The following ATXN10 variants were observed in gnomAD, a reference collection of about 807,000 sequenced individuals.
ATXN10 encodes ataxin 10, also known as ataxin-10.
ATXN10 carries 28 observed loss-of-function variants against 52.9 expected under a neutral mutation model. The observed-to-expected ratio is 0.53, with a 90% confidence interval of 0.39 to 0.73. ATXN10 has a LOEUF of 0.73. Ranked by LOEUF, ATXN10 falls within the 30% of genes least tolerant of loss-of-function variation. The pLI, the probability that ATXN10 is intolerant of heterozygous loss-of-function variation, is 0.00. For missense variants in ATXN10, 565 were observed against 577.0 expected (o/e 0.98, Z 0.21); for synonymous variants, 226 against 221.5 (o/e 1.02, Z -0.18).
chr22:45,750,373 G>A lies in ATXN10; in HGVS notation c.1173+9835G>A, dbSNP rs1312435722. Among the ~76,000 whole-genome samples, 3 of 152,142 alleles carry A rather than the reference G, an allele frequency of 2.0e-5. No individual in the cohort carries two copies. The highest frequency in any genetic ancestry group is 7.2e-5 in the African/African-American group (3 of 41,416). ...GGCCTCCCAAAGTGCTAGGATTACA[G>A]GTGTGAGTCACCACGCCCGGCCGAC... On this transcript the variant is annotated intron_variant, in intron 9 of 11. Coordinates refer to ENST00000252934, the MANE Select transcript of ATXN10 (RefSeq NM_013236.4). The surrounding 1 kb of genome is among the most constrained non-coding windows in gnomAD (Gnocchi z 4.2).
rs1174047602 is a variant in ATXN10 at position 45,728,906 on chromosome 22, A to G, written c.729-519A>G. Among the ~76,000 whole-genome samples, 1 of 152,226 alleles carries G rather than the reference A, an allele frequency of 6.6e-6. No individual in the cohort carries two copies. The highest frequency in any genetic ancestry group is 2.4e-5 in the African/African-American group (1 of 41,456). On this transcript the variant is annotated intron_variant, in intron 6 of 11. Coordinates refer to ENST00000252934, the MANE Select transcript of ATXN10 (RefSeq NM_013236.4). This position sits in a 1 kb window ranked among gnomAD's most constrained non-coding sequence, Gnocchi z 4.3. ...TGGCTCAGGGCACAGATTGAATCCT[A>G]GCTTAGACTCTCAGTGGTTTTGTGA... is the stretch of plus-strand genomic sequence containing the variant.
At chr22:45,674,182 TA>T (rs1321386292) in intron 1 of ATXN10, 15 of 152,040 alleles carry the variant, frequency 9.9e-5, no homozygotes, top group African/African-American at 3.6e-4. Flanking sequence ...GTGCCTAAAT[TA>T]GGACATTGTG....
At chr22:45,686,390 A>G (rs768094762) in intron 1 of ATXN10, among the ~76,000 whole-genome samples, 2 of 152,144 alleles carry the variant, frequency 1.3e-5, no homozygotes, top group Admixed American at 6.6e-5. Context: ...AGCCGGGGAG[A>G]TAGGTTATAT....
chr22:45,758,705 G>C (rs961649051), intron 9 of ATXN10, among the ~76,000 whole-genome samples: 5 of 152,238 alleles, frequency 3.3e-5, no homozygotes, highest in Non-Finnish European at 5.9e-5. Flanking sequence ...TAGCCACTGC[G>C]GAGCGCCAGG....
chr22:45,769,276 C>T lies in ATXN10; in HGVS notation c.1173+28738C>T, dbSNP rs976477238. 4.0e-5 allele frequency among the ~76,000 whole-genome samples: 6 copies of T among 151,806 alleles called. No individual in the cohort carries two copies. The highest frequency in any genetic ancestry group is 3.2e-3 in the Middle Eastern group (1 of 316). ...CAAAAGAGTAACGTGTGCAGATGGG[C>T]GCCGTTCATCCCCTCTCCCCCATAC... On this transcript the variant is annotated intron_variant, in intron 9 of 11. Transcript: ENST00000252934. The surrounding 1 kb of genome is among the most constrained non-coding windows in gnomAD (Gnocchi z 4.2).
chr22:45,723,207 T>G (rs1924729174), intron 6 of ATXN10, among the ~76,000 whole-genome samples: 1 of 152,120 alleles, frequency 6.6e-6, no homozygotes, highest in Non-Finnish European at 1.5e-5. Context: ...GATAGAGATA[T>G]ATATAGATAG....
chr22:45,753,699 G>A (rs138192), intron 9 of ATXN10, among the ~76,000 whole-genome samples: 1 of 151,996 alleles, frequency 6.6e-6, no homozygotes, highest in African/African-American at 2.4e-5. Flanking sequence ...GAGCCACTGC[G>A]CCCATCTCAG....
At chr22:45,714,674 G>A (rs1297556157) in intron 5 of ATXN10, among the ~76,000 whole-genome samples, 5 of 152,236 alleles carry the variant, frequency 3.3e-5, no homozygotes, top group African/African-American at 9.6e-5. Flanking sequence ...GAGCCACTGT[G>A]TCCAGCCATA....
rs1928625073 is a variant in ATXN10, at chr22:45,820,916, A to C, written c.1237+13894A>C. Among the ~76,000 whole-genome samples the C allele has an allele frequency of 6.6e-6, 1 of 152,164 alleles. No homozygotes were observed. Among genetic ancestry groups the C allele is most frequent in the Admixed American group, 6.5e-5 (1 of 15,276 alleles). On this transcript the variant is annotated intron_variant, in intron 10 of 11. Coordinates refer to ENST00000252934, the MANE Select transcript of ATXN10 (RefSeq NM_013236.4). The surrounding 1 kb of genome is among the most constrained non-coding windows in gnomAD (Gnocchi z 4.9). ...GAAGCCAGGGAAAAGCACGAATAGA[A>C]ATGGTTCGAGTTTCTATGAGAAGGA...
chr22:45,829,055 G>A (rs1010382013), intron 10 of ATXN10, among the ~76,000 whole-genome samples: 4 of 152,256 alleles, frequency 2.6e-5, no homozygotes, highest in African/African-American at 9.6e-5. Context: ...CTGGAATGCG[G>A]GGGTGGTTCA....
At chr22:45,785,513 G>A (rs572127806) in intron 9 of ATXN10, among the ~76,000 whole-genome samples, 15 of 152,248 alleles carry the variant, frequency 9.9e-5, no homozygotes, top group African/African-American at 3.4e-4. Flanking sequence ...TTAAATTCTC[G>A]CATTTTATTG....
chr22:45,757,023 G>A lies in ATXN10; in HGVS notation c.1173+16485G>A, dbSNP rs572688266. On this transcript the variant is annotated intron_variant, in intron 9 of 11. Transcript: ENST00000252934. This position sits in a 1 kb window ranked among gnomAD's most constrained non-coding sequence, Gnocchi z 4.6. The stretch of plus-strand genomic sequence containing the variant: ...GGGAAGGAGTGGAGAAGAACCAGAC[G>A]AGAGACACGGTTCCAGATGCTTTCC... 4.6e-5 allele frequency among the ~76,000 whole-genome samples: 7 copies of A among 152,268 alleles called. No individual in the cohort carries two copies. The highest frequency in any genetic ancestry group is 4.1e-4 in the South Asian group (2 of 4,822).
At chr22:45,804,921 A>G (rs1928049633) in intron 9 of ATXN10, among the ~76,000 whole-genome samples, 2 of 152,154 alleles carry the variant, frequency 1.3e-5, no homozygotes, top group Non-Finnish European at 2.9e-5. Flanking sequence ...CACACACAAG[A>G]TTCTCATATA....
chr22:45,821,048 A>G (rs1470863217), intron 10 of ATXN10, among the ~76,000 whole-genome samples: 1 of 152,216 alleles, frequency 6.6e-6, no homozygotes, highest in Non-Finnish European at 1.5e-5. Flanking sequence ...ACATTCTCCA[A>G]GAAGCTCAGA....
rs897410808 is a variant in ATXN10, at chr22:45,750,814, G to C, written c.1173+10276G>C. Among the ~76,000 whole-genome samples the C allele has an allele frequency of 3.9e-5, 6 of 152,208 alleles. No individual in the cohort carries two copies. Among genetic ancestry groups the C allele is most frequent in the African/African-American group, 1.2e-4 (5 of 41,442 alleles). ...TAAGGATAATCCAGCAACCCGGGGA[G>C]AAAAGGAAAGCTTATTACAAAAGCT... is the stretch of plus-strand genomic sequence containing the variant. On this transcript the variant is annotated intron_variant, in intron 9 of 11. Transcript: ENST00000252934. The surrounding 1 kb of genome is among the most constrained non-coding windows in gnomAD (Gnocchi z 4.2).
At chr22:45,799,554 G>T (rs1927865649) in intron 9 of ATXN10, among the ~76,000 whole-genome samples, 1 of 152,118 alleles carries the variant, frequency 6.6e-6, no homozygotes, top group South Asian at 2.1e-4. Flanking sequence ...AAAAACCAAG[G>T]ACACCAAAGT....
chr22:45,765,349 C>T (rs17652822), intron 9 of ATXN10, among the ~76,000 whole-genome samples: 12,704 of 152,098 alleles, frequency 0.084, 683 homozygotes, highest in Middle Eastern at 0.16. Flanking sequence ...GGAGACTTGG[C>T]AGGGTTTGTA....
chr22:45,778,044 A>G (rs1927021150), intron 9 of ATXN10, among the ~76,000 whole-genome samples: 1 of 152,184 alleles, frequency 6.6e-6, no homozygotes, highest in Non-Finnish European at 1.5e-5. Flanking sequence ...TTCTCACACT[A>G]CAACAACACA....
intron 5 of ATXN10, among the ~76,000 whole-genome samples, chr22:45,707,088 C>T (rs1924071287): frequency 6.6e-6 from 1 of 152,044 alleles, no homozygotes; most frequent in Non-Finnish European, 1.5e-5. Flanking sequence ...TGCATTGACC[C>T]TTTCTCATTA....
Sources: allele counts gnomAD v4.1 joint callset (sites outside exome capture counted in the v4.1 genomes callset), GRCh38; gene constraint gnomAD v4.1.1; non-coding constraint Gnocchi (gnomAD v3.1); transcripts MANE v1.5; gene names NCBI Gene and HGNC (gene_info 2026-07-23, HGNC 2026-07-21).